The following TOX2 variants were observed in gnomAD, a reference collection of about 807,000 sequenced individuals.
The protein encoded by TOX2 is TOX high mobility group box family member 2, also known as granulosa cell HMG box 1.
In TOX2, 15 loss-of-function variants were observed where a neutral mutation model predicts 47.4. The ratio of observed to expected loss-of-function variants is 0.32; its 90% CI spans 0.21 to 0.49. The LOEUF (loss-of-function observed/expected upper bound fraction) is 0.49, where lower values mean the gene tolerates loss of function less well. TOX2 is among the 20% of genes least tolerant of loss of function. TOX2 has a pLI of 0.99. For missense variants in TOX2, 622 were observed against 673.1 expected (o/e 0.92, Z 0.84); for synonymous variants, 290 against 296.6 (o/e 0.98, Z 0.23).
intron 2 of TOX2, among the ~76,000 whole-genome samples, chr20:43,992,978 C>T (rs1415307551): frequency 1.3e-5 from 2 of 152,122 alleles, no homozygotes; most frequent in Admixed American, 1.3e-4. Flanking sequence ...CTTATACCCA[C>T]CAAGCATGTT....
intron 5 of TOX2, among the ~76,000 whole-genome samples, chr20:44,056,383 G>A (rs1405497914): frequency 2.6e-5 from 4 of 152,218 alleles, no homozygotes; most frequent in Admixed American, 2.6e-4. Flanking sequence ...TGTTTCGTTG[G>A]CAACCAATTC....
intron 1 of TOX2, among the ~76,000 whole-genome samples, chr20:43,934,090 G>C (rs995379700): frequency 6.6e-6 from 1 of 151,154 alleles, no homozygotes; most frequent in Non-Finnish European, 1.5e-5. Context: ...GATGGGGGGA[G>C]GGTCTGCACA....
rs536715538 is a variant in TOX2 at position 43,925,440 on chromosome 20, C to T, written c.99+10450C>T. ...GGGGCCTCTTTGTCCCTCGGGTAGG[C>T]CAGCAGTTACCCCCAGGGCGCTGGT... On this transcript the variant is annotated intron_variant, in intron 1 of 8. Coordinates refer to ENST00000341197, the MANE Select transcript of TOX2 (RefSeq NM_001098797.2). Among the ~76,000 whole-genome samples, 413 of 152,254 alleles carry T rather than the reference C, an allele frequency of 2.7e-3. 2 individuals carry two copies. Among genetic ancestry groups the T allele is most frequent in the African/African-American group, 9.4e-3 (389 of 41,542 alleles).
intron 2 of TOX2, among the ~76,000 whole-genome samples, chr20:44,005,292 T>C (rs2070658050): frequency 6.6e-6 from 1 of 152,214 alleles, no homozygotes; most frequent in Non-Finnish European, 1.5e-5. Flanking sequence ...GCTGTGCACA[T>C]AAACTCTCTT....
chr20:43,988,494 T>C (rs183966203), intron 2 of TOX2, among the ~76,000 whole-genome samples: 1 of 152,340 alleles, frequency 6.6e-6, no homozygotes, highest in East Asian at 1.9e-4. Flanking sequence ...ATTGCCTCAG[T>C]TTCTGCAGTG....
chr20:43,950,266 C>A (rs1479833327), intron 1 of TOX2, among the ~76,000 whole-genome samples: 1 of 152,212 alleles, frequency 6.6e-6, no homozygotes, highest in Non-Finnish European at 1.5e-5. Flanking sequence ...CAGGAAGAAG[C>A]CGCAGGCCAA....
At chr20:44,035,723 G>A (rs2071228593) in intron 3 of TOX2, among the ~76,000 whole-genome samples, 2 of 152,240 alleles carry the variant, frequency 1.3e-5, no homozygotes. Flanking sequence ...GATGCAGAGA[G>A]CTTGAATGTG....
intron 3 of TOX2, among the ~76,000 whole-genome samples, chr20:44,015,318 C>T (rs1456286302): frequency 6.6e-6 from 1 of 152,168 alleles, no homozygotes; most frequent in East Asian, 1.9e-4. Flanking sequence ...TTTTGCTCTC[C>T]TGCTATAATT....
intron 3 of TOX2, among the ~76,000 whole-genome samples, chr20:44,047,456 T>C (rs1320968190): frequency 6.6e-6 from 1 of 152,230 alleles, no homozygotes; most frequent in African/African-American, 2.4e-5. Context: ...CAGAATTTAA[T>C]GAATTATCAT....
rs983802058 is a variant in TOX2 at position 44,039,119 on chromosome 20, G to A, written c.412-12187G>A. The A allele has an allele frequency of 1.9e-4, 238 of 1,268,966 alleles. No individual in the cohort carries two copies. The African/African-American group carries it at 3.5e-3, about 19-fold the overall frequency. 78.6% of individuals were successfully genotyped at this position (1,268,966 alleles called of 1,614,324 possible). On this transcript the variant is annotated intron_variant, in intron 3 of 8. Coordinates refer to ENST00000341197, the MANE Select transcript of TOX2 (RefSeq NM_001098797.2). ...GGGAGGCAGGTGTCTCTGCACTTGA[G>A]CAGATGCCGGGAGGCAACGTGTGGA...
intron 1 of TOX2, among the ~76,000 whole-genome samples, chr20:43,919,060 A>C (rs908593154): frequency 2.0e-5 from 3 of 152,184 alleles, no homozygotes; most frequent in Non-Finnish European, 2.9e-5. Flanking sequence ...GGCCTTCATC[A>C]AGGCCAACCT....
chr20:44,019,451 T>C (rs945105488), intron 3 of TOX2, among the ~76,000 whole-genome samples: 9 of 152,218 alleles, frequency 5.9e-5, no homozygotes, highest in Non-Finnish European at 1.2e-4. Flanking sequence ...GCCTCTGAGC[T>C]GGGATGGTGG....
chr20:44,057,598 TAAG>T (rs1375216598), intron 5 of TOX2, among the ~76,000 whole-genome samples: 5 of 152,108 alleles, frequency 3.3e-5, no homozygotes, highest in African/African-American at 1.2e-4. Flanking sequence ...CTTAGAAAAA[TAAG>T]AAAACCTTCA....
intron 2 of TOX2, among the ~76,000 whole-genome samples, chr20:43,982,534 G>A (rs550736473): frequency 6.6e-6 from 1 of 152,268 alleles, no homozygotes; most frequent in Admixed American, 6.5e-5. Flanking sequence ...CTTATTCAGA[G>A]TGGGACGCTG....
chr20:44,029,790 T>C (rs1432811593), intron 3 of TOX2, among the ~76,000 whole-genome samples: 1 of 152,162 alleles, frequency 6.6e-6, no homozygotes, highest in Non-Finnish European at 1.5e-5. Context: ...AAGGGGGTCA[T>C]TGACTCTGGC....
At chr20:44,027,863 A>T (rs1210683143) in intron 3 of TOX2, among the ~76,000 whole-genome samples, 6 of 152,036 alleles carry the variant, frequency 3.9e-5, no homozygotes, top group Admixed American at 3.9e-4. Context: ...GAGGTGGAGG[A>T]TGTAGGAGGG....
At chr20:43,923,103 C>A (rs1393529187) in intron 1 of TOX2, among the ~76,000 whole-genome samples, 2 of 151,974 alleles carry the variant, frequency 1.3e-5, no homozygotes, top group African/African-American at 4.8e-5. Flanking sequence ...GAGGGAGCAG[C>A]CATTGTAGGG....
At chr20:43,985,675 T>C (rs538755036) in intron 2 of TOX2, among the ~76,000 whole-genome samples, 2 of 152,220 alleles carry the variant, frequency 1.3e-5, no homozygotes, top group African/African-American at 4.8e-5. Flanking sequence ...TTATTTTCAG[T>C]AAGGTAAAAT....
At position 44,033,343 on chromosome 20, in the gene TOX2, G is replaced by A. The variant is rs2071186290; in HGVS notation, c.412-17963G>A. On this transcript the variant is annotated intron_variant, in intron 3 of 8. Coordinates refer to ENST00000341197, the MANE Select transcript of TOX2 (RefSeq NM_001098797.2). ...GTGCCCCTGGGAAGACTCGCATGGG[G>A]GAGCTTTAGTTGTGACTTCCCACAT... Among the ~76,000 whole-genome samples the A allele has an allele frequency of 2.6e-5, 4 of 152,194 alleles. No individual in the cohort carries two copies. The South Asian group carries it at 8.3e-4, about 32-fold the overall frequency.
Sources: allele counts gnomAD v4.1 joint callset (sites outside exome capture counted in the v4.1 genomes callset), GRCh38; gene constraint gnomAD v4.1.1; transcripts MANE v1.5; gene names NCBI Gene and HGNC (gene_info 2026-07-23, HGNC 2026-07-21).